The following JAML variants were observed in gnomAD, a reference collection of about 807,000 sequenced individuals.
JAML encodes the protein junctional adhesion molecule-like.
Under a neutral mutation model 39.3 loss-of-function variants are expected in JAML, and 25 were observed. The observed-to-expected ratio is 0.64, with a 90% confidence interval of 0.46 to 0.89. The LOEUF is 0.89. JAML is among the 40% of genes least tolerant of loss of function. The pLI is 0.00. For missense variants in JAML, 440 were observed against 486.9 expected, an observed-to-expected ratio of 0.90 and a Z score of 0.91; for synonymous variants, 162 against 179.2, an observed-to-expected ratio of 0.90 and a Z score of 0.77.
In JAML at chr11:118,194,211, G is replaced by A. The variant is rs1050217715; in HGVS notation, c.*114C>T. The stretch of plus-strand genomic sequence containing the variant: ...ATCTTCAGTGTATTGACCAAACAAT[G>A]AGACAGGAGGACAGCTGGGAGAGCG... On this transcript the variant is annotated 3_prime_UTR_variant, in exon 10 of 10. Coordinates refer to ENST00000356289, the MANE Select transcript of JAML (RefSeq NM_001098526.2). 7.7e-5 allele frequency: 70 copies of A among 913,030 alleles called. No homozygotes were observed. Among genetic ancestry groups the A allele is most frequent in the Admixed American group, 5.6e-4 (29 of 51,580 alleles). 56.6% of individuals were successfully genotyped at this position (913,030 alleles called of 1,614,324 possible).
In JAML at chr11:118,196,830, G is replaced by T. The variant is rs1948667699; in HGVS notation, c.1006-9C>A. ...GGGGAGTAAATGTGTTTCTAGAGGGGGAAAATGGTACAAAAATTCCTAAAA... is the reference window on the plus strand; with the variant it reads ...GGGGAGTAAATGTGTTTCTAGAGGGTGAAAATGGTACAAAAATTCCTAAAA... On this transcript the variant is annotated splice_polypyrimidine_tract_variant and intron_variant, in intron 8 of 9. Transcript: ENST00000356289. The T allele has an allele frequency of 6.3e-7, 1 of 1,596,374 alleles. No homozygotes were observed. Among genetic ancestry groups the T allele is most frequent in the Non-Finnish European group, 8.6e-7 (1 of 1,164,170 alleles).
chr11:118,203,318 G>A (rs1793172), intron 6 of JAML, 110 bp downstream of exon 6: 28,488 of 964,302 alleles, frequency 0.03, 2,113 homozygotes, highest in African/African-American at 0.25. Flanking sequence ...ACCTGAGAGG[G>A]ATGCCTCCTT....
rs1749414802 is a variant in JAML at position 118,222,284 on chromosome 11, G to A, written c.-21+2657C>T. 6.6e-6 allele frequency among the ~76,000 whole-genome samples: 1 copy of A among 152,148 alleles called. No homozygotes were observed. The highest frequency in any genetic ancestry group is 1.5e-5 in the Non-Finnish European group (1 of 68,032). On this transcript the variant is annotated intron_variant, in intron 1 of 9. Coordinates refer to ENST00000356289, the MANE Select transcript of JAML (RefSeq NM_001098526.2). This position sits in a 1 kb window ranked among gnomAD's most constrained non-coding sequence, Gnocchi z 4.2. The stretch of plus-strand genomic sequence containing the variant: ...AAAATACAAAAATTAGCTGGATGTA[G>A]TGGCAGGCACCTGTAGTCCTAGCTA...
Position 118,222,427 on chromosome 11 carries a change from A to G in JAML, c.-21+2514T>C, listed in dbSNP as rs550784241. On this transcript the variant is annotated intron_variant, in intron 1 of 9. Coordinates refer to ENST00000356289, the MANE Select transcript of JAML (RefSeq NM_001098526.2). This position sits in a 1 kb window ranked among gnomAD's most constrained non-coding sequence, Gnocchi z 4.2. ...GAGCGAGACTCCATCTAAACAAACA[A>G]AAAGCCCCTGCTTTCCCTCTAAGAA... Among the ~76,000 whole-genome samples the G allele has an allele frequency of 4.2e-4, 64 of 152,258 alleles. No homozygotes were observed. Among genetic ancestry groups the G allele is most frequent in the African/African-American group, 1.5e-3 (61 of 41,544 alleles).
At chr11:118,223,760 T>C (rs991359538) in intron 1 of JAML, among the ~76,000 whole-genome samples, 4 of 152,170 alleles carry the variant, frequency 2.6e-5, no homozygotes, top group Non-Finnish European at 5.9e-5. Context: ...TGTTGGGTAA[T>C]GAGAACAAGT....
chr11:118,195,497 A>G lies in JAML; in HGVS notation c.1093-1080T>C, dbSNP rs78113922. On this transcript the variant is annotated intron_variant, in intron 9 of 9. Transcript: ENST00000356289. ...GCTGGGTGCCTATAATTAGTCTACA[A>G]ATAGCACCGTGCTCATCGCCAGCTC... Among the ~76,000 whole-genome samples, 92 of 152,140 alleles carry G rather than the reference A, an allele frequency of 6.0e-4. 2 individuals are homozygous for G. In the East Asian group the frequency reaches 0.016, roughly 26 times the overall value.
chr11:118,211,439 G>A (rs912308115), intron 3 of JAML, among the ~76,000 whole-genome samples: 2 of 151,976 alleles, frequency 1.3e-5, no homozygotes, highest in African/African-American at 2.4e-5. Flanking sequence ...ATAGAGATGG[G>A]GTTTTGCCAT....
At chr11:118,209,105 T>C in intron 4 of JAML, 1 of 310,236 alleles carries the variant, frequency 3.2e-6, no homozygotes, top group Non-Finnish European at 6.4e-6. Context: ...ATACAACAGC[T>C]TCTACAGTTG....
At chr11:118,197,492 A>C (rs181469924) in intron 8 of JAML, 43 of 153,210 alleles carry the variant, frequency 2.8e-4, no homozygotes, top group African/African-American at 9.9e-4. Context: ...ATATGGAGAG[A>C]AAAGTCCTTC....
At chr11:118,213,800 T>C in intron 2 of JAML, among the ~76,000 whole-genome samples, 1 of 152,168 alleles carries the variant, frequency 6.6e-6, no homozygotes. Context: ...AGTCACCACA[T>C]ACAGGGGTTG....
chr11:118,195,987 A>G (rs1948644985), intron 9 of JAML, among the ~76,000 whole-genome samples: 1 of 151,934 alleles, frequency 6.6e-6, no homozygotes. Context: ...GCCCGCCACC[A>G]TGCCTGGCTA....
At chr11:118,214,333 G>A (rs936660056) in intron 2 of JAML, among the ~76,000 whole-genome samples, 4 of 152,136 alleles carry the variant, frequency 2.6e-5, no homozygotes, top group African/African-American at 4.8e-5. Context: ...AGCATCGGGC[G>A]GGCTTGCTAG....
At chr11:118,196,132 CTTT>C (rs748213507) in intron 9 of JAML, among the ~76,000 whole-genome samples, 3 of 132,004 alleles carry the variant, frequency 2.3e-5, no homozygotes, top group Admixed American at 7.7e-5. Context: ...CATGCTCGGC[CTTT>C]TTTTTTTTTT....
chr11:118,200,383 A>G, intron 7 of JAML, 91 bp downstream of exon 7: 1 of 1,464,038 alleles, frequency 6.8e-7, no homozygotes, highest in Non-Finnish European at 9.4e-7. Context: ...AGAATGGCAT[A>G]AGTAGGGCCC....
At chr11:118,219,283 G>A (rs1288259363) in intron 1 of JAML, among the ~76,000 whole-genome samples, 1 of 152,174 alleles carries the variant, frequency 6.6e-6, no homozygotes, top group Non-Finnish European at 1.5e-5. Context: ...ACAAATGCTG[G>A]TGAGGATGCA....
At chr11:118,197,335 G>T in intron 8 of JAML, 1 of 152,014 alleles carries the variant, frequency 6.6e-6, no homozygotes, top group Non-Finnish European at 1.5e-5. Context: ...CCTACTCTTG[G>T]GACAAAAACA....
intron 1 of JAML, 63 bp downstream of exon 1, chr11:118,224,878 T>C (rs879059785): frequency 6.6e-6 from 1 of 152,232 alleles, no homozygotes; most frequent in Admixed American, 6.5e-5. Flanking sequence ...CCTTCAGGAC[T>C]GGCACACTTC....
intron 1 of JAML, among the ~76,000 whole-genome samples, chr11:118,220,699 A>G (rs1286120916): frequency 6.6e-6 from 1 of 152,210 alleles, no homozygotes; most frequent in Non-Finnish European, 1.5e-5. Context: ...GCTGATTTAG[A>G]AGCCCTCAGC....
chr11:118,215,275 C>T (rs981794494), intron 1 of JAML, among the ~76,000 whole-genome samples: 6 of 152,156 alleles, frequency 3.9e-5, no homozygotes, highest in Non-Finnish European at 8.8e-5. Flanking sequence ...AGATTTTCCA[C>T]TACCTGTATG....
Sources: allele counts gnomAD v4.1 joint callset (sites outside exome capture counted in the v4.1 genomes callset), GRCh38; gene constraint gnomAD v4.1.1; non-coding constraint Gnocchi (gnomAD v3.1); transcripts MANE v1.5; gene names NCBI Gene and HGNC (gene_info 2026-07-23, HGNC 2026-07-21).